UPF2: variants seen among roughly 807,000 people sequenced by gnomAD.
UPF2 encodes UPF2 regulator of nonsense mediated mRNA decay.
Under a neutral mutation model 141.4 loss-of-function variants are expected in UPF2, and 17 were observed. The observed-to-expected ratio is 0.12, with a 90% CI of 0.08 to 0.18. The LOEUF (loss-of-function observed/expected upper bound fraction) is 0.18, where lower values mean the gene tolerates loss of function less well. UPF2 is among the 10% of genes least tolerant of loss of function. UPF2 has a pLI of 1.00. For synonymous variants in UPF2, 540 were observed against 498.0 expected, an observed-to-expected ratio of 1.08 and a Z score of -1.12; for missense variants, 1,152 against 1,515.9, an observed-to-expected ratio of 0.76 and a Z score of 3.99.
Position 11,929,874 on chromosome 10 carries a change from G to A in UPF2, c.3800C>T (p.Thr1267Ile). 2 of 1,614,184 alleles carry A rather than the reference G, an allele frequency of 1.2e-6. No homozygotes were observed. Among genetic ancestry groups the A allele is most frequent in the Non-Finnish European group, 1.7e-6 (2 of 1,180,032 alleles). Residue 1267 changes from threonine to isoleucine, a missense_variant, in exon 21 of 22, where the codon ACT becomes ATT. Coordinates refer to ENST00000357604, the MANE Select transcript of UPF2 (RefSeq NM_015542.4). ...GTAATGACTGCTTTACCTCCCACCA[G>A]TCTTAAAGATTAGATCTGCATTAGG... ...GAPNADLIFK[T>I]GGRRR is the part of the protein sequence containing the mutation.
chr10:11,954,824 A>G (rs1833124286), intron 14 of UPF2, among the ~76,000 whole-genome samples: 1 of 150,394 alleles, frequency 6.6e-6, no homozygotes, highest in South Asian at 2.1e-4. Context: ...TAAAAAAAAA[A>G]AAAAGAAAGA....
intron 1 of UPF2, among the ~76,000 whole-genome samples, chr10:12,041,590 T>C (rs1834735022): frequency 6.6e-6 from 1 of 152,136 alleles, no homozygotes. Flanking sequence ...ATGTATGAAA[T>C]CCCAATCAGA....
At chr10:11,972,040 G>A (rs1833426091) in intron 9 of UPF2, among the ~76,000 whole-genome samples, 2 of 134,100 alleles carry the variant, frequency 1.5e-5, no homozygotes, top group Admixed American at 1.6e-4. Flanking sequence ...CTCTGGCCCG[G>A]ATAACAGAGC....
At position 11,940,012 on chromosome 10, in the gene UPF2, G is replaced by C. The variant is rs1326538940; in HGVS notation, c.3378+2653C>G. 1.3e-5 allele frequency among the ~76,000 whole-genome samples: 2 copies of C among 152,044 alleles called. No homozygotes were observed. The highest frequency in any genetic ancestry group is 2.9e-5 in the Non-Finnish European group (2 of 68,018). On this transcript the variant is annotated intron_variant, in intron 18 of 21. Transcript: ENST00000357604. This position sits in a 1 kb window ranked among gnomAD's most constrained non-coding sequence, Gnocchi z 4.2. ...AATTAGGATTATACTAAGTTTAAGG[G>C]CTTGATTTATGGAAAAATAATATCT... is the stretch of plus-strand genomic sequence containing the variant.
chr10:11,938,872 T>TTG (rs1832898779), intron 18 of UPF2, among the ~76,000 whole-genome samples: 2 of 106,012 alleles, frequency 1.9e-5, no homozygotes, highest in Admixed American at 1.2e-4. Context: ...TTTTTTTTTT[T>TTG]TTTTTTTTTT....
At position 11,969,109 on chromosome 10, in the gene UPF2, G is replaced by A. The variant is rs188253784; in HGVS notation, c.1954-1655C>T. Among the ~76,000 whole-genome samples, 238 of 151,660 alleles carry A rather than the reference G, an allele frequency of 1.6e-3. 2 individuals carry two copies. The highest frequency in any genetic ancestry group is 5.3e-3 in the African/African-American group (219 of 41,310). On this transcript the variant is annotated intron_variant, in intron 9 of 21. Transcript: ENST00000357604. The stretch of plus-strand genomic sequence containing the variant: ...ACTCCTGGCCTCAAGTGATCCATCC[G>A]CCTAGGCTTCCCAAAATGCTGGGAT...
chr10:12,006,158 G>A (rs1051585206), intron 4 of UPF2, among the ~76,000 whole-genome samples: 1 of 152,224 alleles, frequency 6.6e-6, no homozygotes, highest in Admixed American at 6.5e-5. Flanking sequence ...GGGATTACAG[G>A]CATGCGTGAC....
chr10:11,999,474 T>C (rs1455960057), intron 7 of UPF2, among the ~76,000 whole-genome samples: 45 of 141,262 alleles, frequency 3.2e-4, no homozygotes, highest in African/African-American at 1.2e-3. Context: ...GATCACACCA[T>C]TGCACTCCAG....
intron 16 of UPF2, among the ~76,000 whole-genome samples, chr10:11,945,085 T>C (rs1486292484): frequency 1.3e-5 from 2 of 152,264 alleles, no homozygotes; most frequent in African/African-American, 2.4e-5. Context: ...ACTGCTATTA[T>C]AAGAATGAAT....
chr10:11,942,081 T>C (rs1340741477), intron 18 of UPF2, among the ~76,000 whole-genome samples: 2 of 152,064 alleles, frequency 1.3e-5, no homozygotes, highest in Admixed American at 1.3e-4. Context: ...GTCTTAGAAA[T>C]ATGACTTAAT....
intron 1 of UPF2, among the ~76,000 whole-genome samples, chr10:12,038,378 T>TCACTCACACACACA (rs71380802): frequency 8.0e-4 from 109 of 135,930 alleles, no homozygotes; most frequent in African/African-American, 2.0e-3. Flanking sequence ...AGACTCCATC[T>TCACTCACACACACA]CACACACACA....
At chr10:11,990,709 C>T (rs1833765043) in intron 8 of UPF2, among the ~76,000 whole-genome samples, 1 of 144,140 alleles carries the variant, frequency 6.9e-6, no homozygotes, top group Admixed American at 7.1e-5. Context: ...AACCTGTTGA[C>T]CAGGCCCAGT....
rs1271964075 is a variant in UPF2, at chr10:11,939,818, T to C, written c.3378+2847A>G. Among the ~76,000 whole-genome samples the C allele has an allele frequency of 6.6e-6, 1 of 152,168 alleles. No homozygotes were observed. The highest frequency in any genetic ancestry group is 2.4e-5 in the African/African-American group (1 of 41,444). On this transcript the variant is annotated intron_variant, in intron 18 of 21. Coordinates refer to ENST00000357604, the MANE Select transcript of UPF2 (RefSeq NM_015542.4). The surrounding 1 kb of genome is among the most constrained non-coding windows in gnomAD (Gnocchi z 4.8). ...AGGTGTGAGCCACAGTGCCCAGCCATGTTTTCATATCTTGTAGAGCATTTC... is the reference window on the plus strand; with the variant it reads ...AGGTGTGAGCCACAGTGCCCAGCCACGTTTTCATATCTTGTAGAGCATTTC...
chr10:12,001,555 A>T, intron 6 of UPF2, 121 bp downstream of exon 6: 1 of 1,013,276 alleles, frequency 9.9e-7, no homozygotes, highest in Non-Finnish European at 1.4e-6. Flanking sequence ...ATGGACTGAA[A>T]ACAACAGAAA....
chr10:11,989,881 G>A (rs755720489), intron 8 of UPF2, among the ~76,000 whole-genome samples: 2 of 152,096 alleles, frequency 1.3e-5, no homozygotes, highest in Non-Finnish European at 2.9e-5. Context: ...GGTAGTCTAG[G>A]GAGCCCACCA....
intron 8 of UPF2, among the ~76,000 whole-genome samples, chr10:11,988,653 G>A (rs1483622606): frequency 1.3e-5 from 2 of 152,192 alleles, no homozygotes; most frequent in Non-Finnish European, 2.9e-5. Flanking sequence ...GGCTGGGTGA[G>A]TATGGGTGCA....
At chr10:12,008,565 G>A (rs1026878740) in intron 4 of UPF2, among the ~76,000 whole-genome samples, 27 of 147,550 alleles carry the variant, frequency 1.8e-4, no homozygotes, top group African/African-American at 6.5e-4. Flanking sequence ...GGGAGGCGGA[G>A]CTTGCAGTGA....
intron 4 of UPF2, among the ~76,000 whole-genome samples, chr10:12,007,805 T>G (rs1834058931): frequency 6.7e-6 from 1 of 149,756 alleles, no homozygotes; most frequent in African/African-American, 2.4e-5. Flanking sequence ...CACTCCAGCC[T>G]GGGCAACACA....
intron 17 of UPF2, 66 bp from the exon 18 acceptor site, chr10:11,942,829 CT>C: frequency 7.0e-7 from 1 of 1,437,818 alleles, no homozygotes; most frequent in Non-Finnish European, 9.7e-7. Flanking sequence ...AGGGCAAAGC[CT>C]TTTAGTATTG....
Sources: allele counts gnomAD v4.1 joint callset (sites outside exome capture counted in the v4.1 genomes callset), GRCh38; gene constraint gnomAD v4.1.1; non-coding constraint Gnocchi (gnomAD v3.1); transcripts MANE v1.5; gene names NCBI Gene and HGNC (gene_info 2026-07-23, HGNC 2026-07-21).